MYO9B: variants seen among roughly 807,000 people sequenced by gnomAD.
MYO9B encodes myosin IXB.
A neutral mutation model predicts 229.5 loss-of-function variants in MYO9B; 71 were observed. That is an observed-to-expected ratio of 0.31 (90% CI 0.26 to 0.38). MYO9B has a LOEUF of 0.38. Ranked by LOEUF, MYO9B falls within the 10% of genes least tolerant of loss-of-function variation. The probability of loss-of-function intolerance (pLI) is 1.00; values close to 1 mark genes in which losing one functional copy is unlikely to be tolerated. For synonymous variants in MYO9B, 1,185 were observed against 1,235.8 expected, an observed-to-expected ratio of 0.96 and a Z score of 0.86; for missense variants, 2,255 against 2,920.5, an observed-to-expected ratio of 0.77 and a Z score of 5.25.
At chr19:17,189,525 G>A (rs572189479) in intron 19 of MYO9B, among the ~76,000 whole-genome samples, 3 of 152,068 alleles carry the variant, frequency 2.0e-5, no homozygotes, top group Non-Finnish European at 2.9e-5. Flanking sequence ...CCAGCTACTT[G>A]CGGGGCTGAG....
Position 17,198,206 on chromosome 19 carries a change from G to A in MYO9B, c.4136G>A (p.Gly1379Glu). 6.2e-7 allele frequency: 1 copy of A among 1,613,896 alleles called. No individual in the cohort carries two copies. The change falls in exon 24 of 40, where the codon GGA becomes GAA. Residue 1379 changes from glycine to glutamate, a missense_variant. Gly to Glu is a moderately conservative substitution (Grantham distance 98). Coordinates refer to ENST00000682292, the MANE Select transcript of MYO9B (RefSeq NM_004145.4). ...KAQPAAETTD[G>E]ERSAKKPAVQ... ...CAGCCTGCAGCAGAAACCACGGACG[G>A]AGAGCGAAGTGCGAAAAAGCCAGCT...
In MYO9B at chr19:17,165,693, C is replaced by T. The variant is rs1169247941; in HGVS notation, c.1672-2250C>T. Among the ~76,000 whole-genome samples the T allele has an allele frequency of 2.6e-5, 4 of 152,176 alleles. No homozygotes were observed. In the East Asian group the frequency reaches 5.8e-4, roughly 22 times the overall value. ...GGGAGGTTGAGGCAGGTGGATCACT[C>T]GAGCCCAGGAGTTTGAGGCTACAGT... On this transcript the variant is annotated intron_variant, in intron 10 of 39. Transcript: ENST00000682292.
intron 14 of MYO9B, chr19:17,180,597 G>T (rs775000980): frequency 2.9e-5 from 5 of 170,668 alleles, no homozygotes; most frequent in Non-Finnish European, 6.3e-5. Flanking sequence ...TGATCCACCC[G>T]CCTCGGCCTC....
intron 2 of MYO9B, among the ~76,000 whole-genome samples, chr19:17,141,941 C>T (rs556659517): frequency 6.6e-6 from 1 of 152,072 alleles, no homozygotes; most frequent in Admixed American, 6.6e-5. Context: ...CTTTCGGAGG[C>T]CGAGTTGGAA....
In MYO9B at chr19:17,200,381, G is replaced by C. The variant is rs201216405; in HGVS notation, c.4327G>C (p.Gly1443Arg). The change falls in exon 25 of 40, where the codon GGG (glycine) becomes CGG (arginine). Residue 1443 changes from glycine to arginine, a missense_variant. Transcript: ENST00000682292. ...GAEELENAVS[G>R]HVVLEATTMK... Reference sequence around the variant, plus strand: ...AGAGGAGCTGGAGAATGCAGTGTCCGGGCACGTGGTGCTGGAAGCCACCAC... The same window carrying C: ...AGAGGAGCTGGAGAATGCAGTGTCCCGGCACGTGGTGCTGGAAGCCACCAC... 1.2e-6 allele frequency: 2 copies of C among 1,602,120 alleles called. No homozygotes were observed. The highest frequency in any genetic ancestry group is 2.2e-5 in the South Asian group (2 of 89,530).
At chr19:17,159,028 T>C (rs2072569139) in intron 7 of MYO9B, among the ~76,000 whole-genome samples, 1 of 152,106 alleles carries the variant, frequency 6.6e-6, no homozygotes, top group Admixed American at 6.6e-5. Context: ...ACCCCATCTC[T>C]ATTAAAAATA....
intron 2 of MYO9B, among the ~76,000 whole-genome samples, chr19:17,139,879 T>TA (rs1400537206): frequency 6.6e-6 from 1 of 151,982 alleles, no homozygotes; most frequent in Non-Finnish European, 1.5e-5. Context: ...CCGTCTCTAC[T>TA]AAAAATACAA....
Position 17,194,778 on chromosome 19 carries a change from G to A in MYO9B, c.3351G>A (p.Glu1117=), listed in dbSNP as rs759095134. 4 of 1,613,378 alleles carry A rather than the reference G, an allele frequency of 2.5e-6. No individual in the cohort carries two copies. The highest frequency in any genetic ancestry group is 3.4e-6 in the Non-Finnish European group (4 of 1,179,894). The change falls in exon 22 of 40, where the codon GAG becomes GAA. Residue 1117 remains glutamate, a synonymous_variant. Coordinates refer to ENST00000682292, the MANE Select transcript of MYO9B (RefSeq NM_004145.4). ...CCCCCCTAGAGCACTCCTCACCTGA[G>A]AAGGAGGCCCCAAGCCCAGAGAAGA... ...DRSPLEHSSP[E]KEAPSPEKTL...
At chr19:17,119,588 CT>C (rs35513644) in intron 2 of MYO9B, among the ~76,000 whole-genome samples, 1 of 152,146 alleles carries the variant, frequency 6.6e-6, no homozygotes, top group African/African-American at 2.4e-5. Context: ...AATCCCAGCA[CT>C]TCAGGAGGCC....
At chr19:17,134,381 GTTTTTTTTT>G (rs869297825) in intron 2 of MYO9B, among the ~76,000 whole-genome samples, 1 of 46,472 alleles carries the variant, frequency 2.2e-5, no homozygotes, top group East Asian at 7.9e-4. Context: ...CGTTTTGTTT[GTTTTTTTTT>G]TTTTTTTTTT....
chr19:17,102,761 G>A (rs985258199), intron 2 of MYO9B, among the ~76,000 whole-genome samples: 2 of 151,368 alleles, frequency 1.3e-5, no homozygotes, highest in African/African-American at 2.4e-5. Context: ...TAATTAGCCA[G>A]GCAGGCATAG....
intron 13 of MYO9B, 135 bp from the exon 14 acceptor site, chr19:17,175,528 G>A (rs894529298): frequency 1.3e-5 from 8 of 602,064 alleles, no homozygotes; most frequent in Admixed American, 3.8e-5. Flanking sequence ...GCAGTGGGCC[G>A]AGATCGCGCC....
At chr19:17,114,356 G>T (rs953708091) in intron 2 of MYO9B, among the ~76,000 whole-genome samples, 2 of 152,084 alleles carry the variant, frequency 1.3e-5, no homozygotes, top group South Asian at 2.1e-4. Flanking sequence ...TCGTCCCTTG[G>T]GGGAGGTGAC....
At chr19:17,205,195 G>A (rs1165053186) in intron 30 of MYO9B, 68 bp from the exon 31 acceptor site, 2 of 1,344,616 alleles carry the variant, frequency 1.5e-6, no homozygotes, top group Non-Finnish European at 1.0e-6. Flanking sequence ...CCGGCCAGCT[G>A]GGTGGGTGGC....
At chr19:17,126,626 A>G (rs536810595) in intron 2 of MYO9B, among the ~76,000 whole-genome samples, 1 of 150,038 alleles carries the variant, frequency 6.7e-6, no homozygotes, top group East Asian at 2.0e-4. Flanking sequence ...TGAATTTCAC[A>G]TCAATTTCAG....
rs1365382956 is a variant in MYO9B at position 17,191,229 on chromosome 19, C to T, written c.2811+10C>T. 2 of 1,609,944 alleles carry T rather than the reference C, an allele frequency of 1.2e-6. No individual in the cohort carries two copies. The highest frequency in any genetic ancestry group is 1.7e-4 in the Middle Eastern group (1 of 6,010). On this transcript the variant is annotated intron_variant, in intron 20 of 39. Coordinates refer to ENST00000682292, the MANE Select transcript of MYO9B (RefSeq NM_004145.4). ...GATCGGGAAGACCAAGGTCAGCGCT[C>T]CTGCCCCTCGGGGCACTACAAACCC...
At chr19:17,164,313 G>T (rs1378015021) in intron 10 of MYO9B, among the ~76,000 whole-genome samples, 1 of 152,008 alleles carries the variant, frequency 6.6e-6, no homozygotes, top group African/African-American at 2.4e-5. Flanking sequence ...AAATCTTTTT[G>T]TTAGTTGAGA....
chr19:17,208,459 TCTCA>T (rs2073188275), intron 35 of MYO9B, among the ~76,000 whole-genome samples: 3 of 148,782 alleles, frequency 2.0e-5, no homozygotes, highest in African/African-American at 7.4e-5. Context: ...TGAGACGGAG[TCTCA>T]CTCTGTCTCC....
At chr19:17,211,023 C>T (rs184903420) in intron 38 of MYO9B, among the ~76,000 whole-genome samples, 175 bp downstream of exon 38, 72 of 125,198 alleles carry the variant, frequency 5.8e-4, no homozygotes, top group Non-Finnish European at 7.9e-4. Context: ...CTCGCTCTGT[C>T]GCCCAGCTGG....
Sources: gnomAD v4.1 joint callset for allele counts (sites outside exome capture counted in the v4.1 genomes callset) on GRCh38, gnomAD v4.1.1 for gene constraint, MANE v1.5 for transcripts, NCBI Gene and HGNC (gene_info 2026-07-23, HGNC 2026-07-21) for gene names.